Variants in MBD5 observed in about 807,000 individuals in gnomAD.
MBD5 encodes methyl-CpG binding domain protein 5, also known as methyl-CpG-binding domain protein 5.
Under a neutral mutation model 117.3 loss-of-function variants are expected in MBD5, and 13 were observed. The observed-to-expected ratio is 0.11, with a 90% CI of 0.07 to 0.18. The LOEUF is 0.18. MBD5 is among the 10% of genes least tolerant of loss of function. The probability of loss-of-function intolerance (pLI) is 1.00; values close to 1 mark genes in which losing one functional copy is unlikely to be tolerated. For missense variants in MBD5, 1,879 were observed against 2,093.8 expected, an observed-to-expected ratio of 0.90 and a Z score of 2.00; for synonymous variants, 727 against 766.4, an observed-to-expected ratio of 0.95 and a Z score of 0.85.
chr2:148,441,326 A>G (rs773997248), intron 4 of MBD5, among the ~76,000 whole-genome samples: 20 of 151,994 alleles, frequency 1.3e-4, no homozygotes, highest in African/African-American at 2.2e-4. Context: ...TCATTGTTCA[A>G]TTCCCACCTA....
At chr2:148,100,632 G>A (rs370479817) in intron 1 of MBD5, among the ~76,000 whole-genome samples, 11 of 152,284 alleles carry the variant, frequency 7.2e-5, no homozygotes, top group African/African-American at 2.6e-4. Flanking sequence ...GTTTGGCTAG[G>A]GAGCTCAGTT....
intron 1 of MBD5, among the ~76,000 whole-genome samples, chr2:148,172,672 G>A (rs1417856301): frequency 6.6e-6 from 1 of 152,132 alleles, no homozygotes; most frequent in Non-Finnish European, 1.5e-5. Flanking sequence ...AGTTCCAGGT[G>A]GAGTCTGCCA....
chr2:148,485,996 T>A, intron 10 of MBD5, 46 bp downstream of exon 10: 1 of 1,570,186 alleles, frequency 6.4e-7, no homozygotes, highest in Non-Finnish European at 8.8e-7. Context: ...AATGTCTGAG[T>A]TTGTTTAAAT....
rs867485470 is a variant in MBD5 at position 148,185,184 on chromosome 2, T to C, written c.-831+6391T>C. ...TTTCCTGTTTTATCCTCCCACATAT[T>C]TGAAGGACTGCCTCCTGCCCCAGAT... is the stretch of plus-strand genomic sequence containing the variant. On this transcript the variant is annotated intron_variant, in intron 2 of 13. Coordinates refer to ENST00000642680, the MANE Select transcript of MBD5 (RefSeq NM_001378120.1). 2.6e-5 allele frequency among the ~76,000 whole-genome samples: 4 copies of C among 152,186 alleles called. No individual in the cohort carries two copies. The South Asian group carries it at 6.2e-4, about 24-fold the overall frequency.
At chr2:148,401,138 A>G (rs918012228) in intron 4 of MBD5, among the ~76,000 whole-genome samples, 1 of 152,182 alleles carries the variant, frequency 6.6e-6, no homozygotes, top group Non-Finnish European at 1.5e-5. Flanking sequence ...AGCATTTTTC[A>G]TATCTGCCAA....
At chr2:148,400,568 G>T (rs866979286) in intron 4 of MBD5, among the ~76,000 whole-genome samples, 1 of 152,162 alleles carries the variant, frequency 6.6e-6, no homozygotes, top group Non-Finnish European at 1.5e-5. Context: ...CAACATGAAG[G>T]TTGGTTTATT....
At chr2:148,154,953 TC>T (rs1264073881) in intron 1 of MBD5, among the ~76,000 whole-genome samples, 1 of 152,154 alleles carries the variant, frequency 6.6e-6, no homozygotes, top group Non-Finnish European at 1.5e-5. Context: ...TCTTGGCTCC[TC>T]CCTAAATAAA....
intron 1 of MBD5, among the ~76,000 whole-genome samples, chr2:148,050,189 T>C (rs1354888205): frequency 6.6e-6 from 1 of 152,174 alleles, no homozygotes; most frequent in East Asian, 1.9e-4. Context: ...TCAGCTTCCT[T>C]ACCAACACTT....
chr2:148,269,610 TCTC>T (rs1418568255), intron 3 of MBD5, among the ~76,000 whole-genome samples: 2 of 151,392 alleles, frequency 1.3e-5, no homozygotes, highest in Admixed American at 6.6e-5. Context: ...GCCTTTAAGA[TCTC>T]CTTATCTAGT....
intron 4 of MBD5, among the ~76,000 whole-genome samples, chr2:148,449,063 G>T (rs1239120086): frequency 6.6e-6 from 1 of 152,010 alleles, no homozygotes; most frequent in Non-Finnish European, 1.5e-5. Flanking sequence ...TTATCGTTTT[G>T]TTCATAGATG....
intron 4 of MBD5, among the ~76,000 whole-genome samples, chr2:148,364,560 T>C (rs1380800593): frequency 3.3e-5 from 5 of 152,096 alleles, no homozygotes; most frequent in African/African-American, 1.2e-4. Flanking sequence ...TCGGACAAAG[T>C]GTCAAGACCC....
intron 3 of MBD5, among the ~76,000 whole-genome samples, chr2:148,292,757 T>C (rs1701527902): frequency 6.6e-6 from 1 of 152,134 alleles, no homozygotes; most frequent in South Asian, 2.1e-4. Context: ...ATTGAAGATA[T>C]ATCTGTGCAC....
Position 148,485,863 on chromosome 2 carries a change from C to T in MBD5, c.3666C>T (p.Tyr1222=), listed in dbSNP as rs781114483. Residue 1222 remains tyrosine (Y), a synonymous_variant, in exon 10 of 14, where the codon TAC becomes TAT. Transcript: ENST00000642680. The part of the protein sequence containing the change: ...NQQQQQLLQG[Y]QNLQAFQGQS... ...AACAGCAGCAACTTCTCCAGGGGTA[C>T]CAGAATCTCCAGGCGTTCCAAGGAC... The T allele has an allele frequency of 2.5e-6, 4 of 1,614,076 alleles. No homozygotes were observed. The highest frequency in any genetic ancestry group is 3.4e-6 in the Non-Finnish European group (4 of 1,179,966).
chr2:148,431,912 G>T (rs1705999822), intron 4 of MBD5, among the ~76,000 whole-genome samples: 1 of 152,152 alleles, frequency 6.6e-6, no homozygotes, highest in Admixed American at 6.6e-5. Context: ...AAATGGAATT[G>T]CTGGGTGGAA....
intron 1 of MBD5, among the ~76,000 whole-genome samples, chr2:148,030,543 G>C (rs902912342): frequency 5.3e-5 from 8 of 152,060 alleles, no homozygotes; most frequent in African/African-American, 1.9e-4. Flanking sequence ...AAGACATAAA[G>C]TATATGCCAT....
At chr2:148,481,588 A>G (rs1344703293) in intron 8 of MBD5, 1 of 152,226 alleles carries the variant, frequency 6.6e-6, no homozygotes, top group East Asian at 1.9e-4. Context: ...TGTCAAATGC[A>G]TGTATTACAT....
chr2:148,424,203 A>AAAAC, intron 4 of MBD5, among the ~76,000 whole-genome samples: 2 of 128,562 alleles, frequency 1.6e-5, no homozygotes, highest in African/African-American at 6.1e-5. Flanking sequence ...AAAAAAAAAA[A>AAAAC]AAAAAAAAAA....
intron 11 of MBD5, among the ~76,000 whole-genome samples, chr2:148,496,181 T>A (rs1301265892): frequency 6.6e-6 from 1 of 152,248 alleles, no homozygotes; most frequent in Non-Finnish European, 1.5e-5. Flanking sequence ...TTGGGTTGCA[T>A]TTTGGTTGGT....
At chr2:148,204,395 AG>A (rs1558971444) in intron 2 of MBD5, among the ~76,000 whole-genome samples, 1 of 152,218 alleles carries the variant, frequency 6.6e-6, no homozygotes, top group Non-Finnish European at 1.5e-5. Flanking sequence ...AAGACACAAA[AG>A]AAAACCAAAA....
Sources: allele counts gnomAD v4.1 joint callset (sites outside exome capture counted in the v4.1 genomes callset), GRCh38; gene constraint gnomAD v4.1.1; transcripts MANE v1.5; gene names NCBI Gene and HGNC (gene_info 2026-07-23, HGNC 2026-07-21).